The following ANO3 variants were observed in gnomAD, a reference collection of about 807,000 sequenced individuals.
ANO3 encodes the protein anoctamin 3.
A neutral mutation model predicts 144.8 loss-of-function variants in ANO3; 99 were observed. The observed-to-expected ratio is 0.68, with a 90% CI of 0.58 to 0.81. The LOEUF is 0.81. Among genes scored for constraint, ANO3 ranks in the 30% least tolerant of loss-of-function variants. ANO3 has a pLI of 0.00. For synonymous variants in ANO3, 414 were observed against 392.6 expected, an observed-to-expected ratio of 1.05 and a Z score of -0.64; for missense variants, 905 against 1,202.2, an observed-to-expected ratio of 0.75 and a Z score of 3.66.
At chr11:26,615,414 A>ATATATATTTTTTTTT (rs1352935016) in intron 17 of ANO3, among the ~76,000 whole-genome samples, 3 of 130,700 alleles carry the variant, frequency 2.3e-5, no homozygotes, top group African/African-American at 8.9e-5. Context: ...ATATATATAT[A>ATATATATTTTTTTTT]TTTTTTTTTT....
intron 1 of ANO3, among the ~76,000 whole-genome samples, chr11:26,359,778 C>T (rs774561356): frequency 1.1e-4 from 17 of 152,044 alleles, no homozygotes; most frequent in African/African-American, 3.1e-4. Flanking sequence ...TATCTGTTAG[C>T]GGCTAATCTC....
At chr11:26,381,871 T>C (rs1856598749) in intron 1 of ANO3, among the ~76,000 whole-genome samples, 1 of 152,204 alleles carries the variant, frequency 6.6e-6, no homozygotes. Context: ...GGTATTTTAT[T>C]TTTAGAAGTA....
chr11:26,384,957 C>T (rs532261871), intron 1 of ANO3, among the ~76,000 whole-genome samples: 2 of 152,306 alleles, frequency 1.3e-5, no homozygotes, highest in African/African-American at 4.8e-5. Flanking sequence ...CAGGCTCTTC[C>T]TCTCTGGGTG....
chr11:26,262,155 G>C (rs12226840), intron 1 of ANO3, among the ~76,000 whole-genome samples: 3,018 of 152,186 alleles, frequency 0.02, 61 homozygotes, highest in East Asian at 0.12. Flanking sequence ...CCCAGCTTAC[G>C]TTTAGAACAT....
intron 1 of ANO3, among the ~76,000 whole-genome samples, chr11:26,196,899 T>C (rs1851600071): frequency 6.6e-6 from 1 of 152,314 alleles, no homozygotes; most frequent in African/African-American, 2.4e-5. Flanking sequence ...ATGCAAGACA[T>C]TGTACAAGCA....
At chr11:26,319,871 T>C (rs939392707) in intron 1 of ANO3, among the ~76,000 whole-genome samples, 3 of 151,892 alleles carry the variant, frequency 2.0e-5, no homozygotes, top group Admixed American at 2.0e-4. Flanking sequence ...CAATGTACAA[T>C]CAAGGCAGCA....
intron 22 of ANO3, 65 bp downstream of exon 22, chr11:26,642,094 C>A (rs1853175301): frequency 2.6e-6 from 4 of 1,556,882 alleles, no homozygotes; most frequent in South Asian, 2.4e-5. Flanking sequence ...TTCACAGAAG[C>A]TTTGGTTCAA....
Position 26,411,718 on chromosome 11 carries a change from GA to G in ANO3, c.47-30198del, listed in dbSNP as rs1315050606. Among the ~76,000 whole-genome samples the G allele has an allele frequency of 2.9e-5, 3 of 103,138 alleles. No homozygotes were observed. The Admixed American group carries it at 4.0e-4, about 14-fold the overall frequency. The allele number at this position is 103,138 out of a possible 152,430, so 67.7% of individuals were successfully genotyped here. ...TGGCAATATTAGATGAGTGTATGCA[GA>G]ATCCATCCATTTTTTTTTTTGCCTT... On this transcript the variant is annotated intron_variant, in intron 1 of 26. Coordinates refer to ENST00000256737, the MANE Select transcript of ANO3 (RefSeq NM_031418.4).
At position 26,271,286 on chromosome 11, in the gene ANO3, C is replaced by G. The variant is rs114784914; in HGVS notation, c.155-38359C>G. ...CAACAGGTGGCATTTTTTCTACTTC[C>G]TATCTAGTTTGAAACAGATACATCT... On this transcript the variant is annotated intron_variant, in intron 1 of 27. Coordinates refer to the ANO3 transcript ENST00000672621. Among the ~76,000 whole-genome samples, 518 of 152,318 alleles carry G rather than the reference C, an allele frequency of 3.4e-3. 1 individual carries two copies. The highest frequency in any genetic ancestry group is 0.012 in the African/African-American group (499 of 41,570).
chr11:26,531,209 C>A lies in ANO3; in HGVS notation c.742C>A (p.Gln248Lys). ...DGRSKSMGRMQTYFRRIKNWM... is the reference protein window; with the variant it reads ...DGRSKSMGRMKTYFRRIKNWM... ...TCAAATGTGACTTCATTCCAGGATGCAAACTTATTTTAGAAGAATCAAAAA... is the reference window on the plus strand; with the variant it reads ...TCAAATGTGACTTCATTCCAGGATGAAAACTTATTTTAGAAGAATCAAAAA... The change falls in exon 8 of 27, where the codon CAA (glutamine) becomes AAA (lysine). Residue 248 changes from glutamine (Q) to lysine (K), a missense_variant. Physicochemically the swap from Gln to Lys is moderately conservative, Grantham distance 53. Coordinates refer to ENST00000256737, the MANE Select transcript of ANO3 (RefSeq NM_031418.4). 1 of 1,613,800 alleles carries A rather than the reference C, an allele frequency of 6.2e-7. No individual in the cohort carries two copies. The highest frequency in any genetic ancestry group is 2.2e-5 in the East Asian group (1 of 44,866).
chr11:26,440,954 C>T (rs1348920573), intron 1 of ANO3, among the ~76,000 whole-genome samples: 1 of 151,802 alleles, frequency 6.6e-6, no homozygotes, highest in Non-Finnish European at 1.5e-5. Context: ...GCCATTCTTT[C>T]CTGGTTCACA....
At chr11:26,593,785 C>G (rs1301753548) in intron 14 of ANO3, among the ~76,000 whole-genome samples, 1 of 152,108 alleles carries the variant, frequency 6.6e-6, no homozygotes. Flanking sequence ...ATGTGATTTG[C>G]CCAGCCTTTC....
intron 14 of ANO3, among the ~76,000 whole-genome samples, chr11:26,591,076 C>T (rs1049112735): frequency 6.6e-6 from 1 of 152,132 alleles, no homozygotes; most frequent in Non-Finnish European, 1.5e-5. Context: ...AGTGAGTCCT[C>T]TTTACTACCT....
At position 26,559,776 on chromosome 11, in the gene ANO3, T is replaced by C. The variant is rs770822978; in HGVS notation, c.1444T>C (p.Trp482Arg). The change falls in exon 14 of 27, where the codon TGG (tryptophan) becomes CGG (arginine). Residue 482 changes from tryptophan (W) to arginine (R), a missense_variant. Physicochemically the swap from Trp to Arg is moderately radical, Grantham distance 101. Around this residue, in one of 4 missense-constraint regions of ANO3, gnomAD observed 597 missense variants for 865.1 expected, o/e 0.69. Coordinates refer to ENST00000256737, the MANE Select transcript of ANO3 (RefSeq NM_031418.4). ...TVFFAIFMAI[W>R]ATVFLEFWKR... ...CTTCTTTGCTATTTTTATGGCAATA[T>C]GGGGTAAGTACTTTCTTCATTACTT... 2 of 1,607,078 alleles carry C rather than the reference T, an allele frequency of 1.2e-6. No individual in the cohort carries two copies. Among genetic ancestry groups the C allele is most frequent in the Non-Finnish European group, 1.7e-6 (2 of 1,174,432 alleles).
chr11:26,308,821 A>G (rs1854442118), upstream of ANO3, among the ~76,000 whole-genome samples: 1 of 152,224 alleles, frequency 6.6e-6, no homozygotes, highest in African/African-American at 2.4e-5. Flanking sequence ...CACTTGCTGA[A>G]TACTTACTAT....
At chr11:26,451,422 C>A (rs921892991) in intron 3 of ANO3, among the ~76,000 whole-genome samples, 8 of 152,220 alleles carry the variant, frequency 5.3e-5, no homozygotes, top group Non-Finnish European at 8.8e-5. Context: ...AACGGCACAC[C>A]AGGAGATTAA....
At chr11:26,512,552 G>T (rs1216139785) in intron 5 of ANO3, among the ~76,000 whole-genome samples, 1 of 152,170 alleles carries the variant, frequency 6.6e-6, no homozygotes, top group East Asian at 1.9e-4. Flanking sequence ...TAGAAAGAGA[G>T]AAATTAAGTT....
At chr11:26,549,737 G>T (rs2134222524) in intron 12 of ANO3, among the ~76,000 whole-genome samples, 1 of 151,884 alleles carries the variant, frequency 6.6e-6, no homozygotes, top group African/African-American at 2.4e-5. Flanking sequence ...AAAGATACAG[G>T]AATTTGAAAA....
chr11:26,269,488 G>A (rs530058936), intron 1 of ANO3, among the ~76,000 whole-genome samples: 7 of 152,282 alleles, frequency 4.6e-5, no homozygotes, highest in Non-Finnish European at 8.8e-5. Flanking sequence ...CTAGACTAGC[G>A]TTACTCCATG....
Sources: allele counts gnomAD v4.1 joint callset (sites outside exome capture counted in the v4.1 genomes callset), GRCh38; gene constraint gnomAD v4.1.1; regional missense constraint gnomAD v4.1.1; transcripts MANE v1.5; gene names NCBI Gene and HGNC (gene_info 2026-07-23, HGNC 2026-07-21).